The following NRP2 variants were observed in gnomAD, a reference collection of about 807,000 sequenced individuals.
The protein encoded by NRP2 is neuropilin 2.
Under a neutral mutation model 110.4 loss-of-function variants are expected in NRP2, and 52 were observed. That is an observed-to-expected ratio of 0.47 (90% CI 0.38 to 0.59). The LOEUF (loss-of-function observed/expected upper bound fraction) is 0.59. Ranked by LOEUF, NRP2 falls within the 20% of genes least tolerant of loss-of-function variation. NRP2 has a pLI of 0.00. For missense variants in NRP2, 1,049 were observed against 1,203.0 expected, an observed-to-expected ratio of 0.87 and a Z score of 1.89; for synonymous variants, 508 against 468.9, an observed-to-expected ratio of 1.08 and a Z score of -1.08.
intron 15 of NRP2, chr2:205,776,156 A>ATG: frequency 7.9e-7 from 1 of 1,271,144 alleles, no homozygotes; most frequent in Non-Finnish European, 1.1e-6. Context: ...GTCCCAAAGC[A>ATG]TGTGTGTGTT....
intron 1 of NRP2, among the ~76,000 whole-genome samples, 173 bp downstream of exon 1, chr2:205,683,536 A>G (rs1010179843): frequency 5.5e-5 from 8 of 146,492 alleles, no homozygotes; most frequent in Non-Finnish European, 1.2e-4. Flanking sequence ...CTAAAACCCA[A>G]CTTTCCTCTC....
intron 12 of NRP2, chr2:205,760,961 T>A (rs2057811071): frequency 6.6e-6 from 1 of 152,202 alleles, no homozygotes; most frequent in Non-Finnish European, 1.5e-5. Context: ...TGGTTTCCTT[T>A]ATATATGAGG....
At chr2:205,769,698 T>G (rs949080613) in intron 15 of NRP2, among the ~76,000 whole-genome samples, 2 of 152,208 alleles carry the variant, frequency 1.3e-5, no homozygotes, top group African/African-American at 4.8e-5. Context: ...ATGAGTCACA[T>G]TTTAAACAAT....
intron 8 of NRP2, among the ~76,000 whole-genome samples, chr2:205,742,460 C>A (rs143206070): frequency 2.0e-5 from 3 of 152,274 alleles, no homozygotes; most frequent in Admixed American, 6.5e-5. Flanking sequence ...CTGAGGGAAA[C>A]CAATTTAGTG....
At chr2:205,709,298 C>T (rs901528216) in intron 2 of NRP2, among the ~76,000 whole-genome samples, 4 of 152,208 alleles carry the variant, frequency 2.6e-5, no homozygotes, top group Admixed American at 6.5e-5. Flanking sequence ...TCCTGTCTGG[C>T]TCCCAAGGTG....
At chr2:205,784,972 T>A (rs2058219995) in intron 15 of NRP2, among the ~76,000 whole-genome samples, 1 of 152,162 alleles carries the variant, frequency 6.6e-6, no homozygotes, top group Non-Finnish European at 1.5e-5. Context: ...TTGGGGGAAA[T>A]CATCTCTTGA....
Position 205,734,399 on chromosome 2 carries a change from G to GCCC in NRP2, c.1147-6113_1147-6111dup, listed in dbSNP as rs201261642. Among the ~76,000 whole-genome samples, 554 of 90,464 alleles carry GCCC rather than the reference G, an allele frequency of 6.1e-3. 2 individuals carry two copies. The highest frequency in any genetic ancestry group is 0.026 in the Middle Eastern group (4 of 156). The allele number at this position is 90,464 out of a possible 152,430, so 59.3% of individuals were successfully genotyped here. A position where few individuals can be genotyped will look rare whatever the true frequency, so the allele number is the denominator to read the frequency against. The stretch of plus-strand genomic sequence containing the variant: ...CATTGCCTTCATATCATTTCCCACC[G>GCCC]CCCCCCCCCACCCCGCATCGCAACA... On this transcript the variant is annotated intron_variant, in intron 7 of 16. Coordinates refer to ENST00000357785, the MANE Select transcript of NRP2 (RefSeq NM_003872.3).
chr2:205,796,092 G>C lies in NRP2; in HGVS notation c.*1034G>C, dbSNP rs1468249636. 6.6e-6 allele frequency: 1 copy of C among 152,210 alleles called. No individual in the cohort carries two copies. The highest frequency in any genetic ancestry group is 2.4e-5 in the African/African-American group (1 of 41,440). 9.4% of individuals were successfully genotyped at this position (152,210 alleles called of 1,614,324 possible). A position where few individuals can be genotyped will look rare whatever the true frequency, so the allele number is the denominator to read the frequency against. On this transcript the variant is annotated 3_prime_UTR_variant, in exon 17 of 17. Coordinates refer to ENST00000357785, the MANE Select transcript of NRP2 (RefSeq NM_003872.3). ...ATTGGTATGTTCTCCCCATCAGCGA[G>C]TTATTGTAACTGGTCACCACTGGAC... is the stretch of plus-strand genomic sequence containing the variant.
chr2:205,776,650 C>T, intron 15 of NRP2: 1 of 1,571,384 alleles, frequency 6.4e-7, no homozygotes, highest in Non-Finnish European at 8.6e-7. Flanking sequence ...TTCCCGGATC[C>T]CCAACCCTGA....
chr2:205,775,294 A>G (rs2058081032), intron 15 of NRP2, among the ~76,000 whole-genome samples: 1 of 152,180 alleles, frequency 6.6e-6, no homozygotes, highest in Admixed American at 6.5e-5. Context: ...GTGGGACTCC[A>G]GCCAGTCTTT....
At chr2:205,742,420 T>A (rs1490102462) in intron 8 of NRP2, among the ~76,000 whole-genome samples, 2 of 152,208 alleles carry the variant, frequency 1.3e-5, no homozygotes, top group Admixed American at 1.3e-4. Flanking sequence ...TAAACTAGAA[T>A]GTGCACATGA....
rs776126431 is a variant in NRP2 at position 205,765,465 on chromosome 2, G to A, written c.2308-9G>A. The A allele has an allele frequency of 2.5e-6, 4 of 1,612,902 alleles. No homozygotes were observed. Among genetic ancestry groups the A allele is most frequent in the South Asian group, 1.1e-5 (1 of 91,040 alleles). ...AGTTAACCATGGCTCTTATTCTTCCGGCTTCTAGATTGTGTTCGAGGGAGT... is the reference window on the plus strand; with the variant it reads ...AGTTAACCATGGCTCTTATTCTTCCAGCTTCTAGATTGTGTTCGAGGGAGT... On this transcript the variant is annotated splice_polypyrimidine_tract_variant and intron_variant, in intron 13 of 16. Transcript: ENST00000357785.
chr2:205,738,606 G>T (rs527767413), intron 7 of NRP2, among the ~76,000 whole-genome samples: 1 of 152,114 alleles, frequency 6.6e-6, no homozygotes, highest in South Asian at 2.1e-4. Context: ...CCTTTGCTTG[G>T]CTTTTCTCCT....
At chr2:205,740,779 C>A in intron 8 of NRP2, 116 bp downstream of exon 8, 1 of 1,149,856 alleles carries the variant, frequency 8.7e-7, no homozygotes, top group Non-Finnish European at 1.3e-6. Flanking sequence ...AAGACTGGCT[C>A]AAGGACTCAA....
chr2:205,728,281 A>G (rs1411885426), intron 7 of NRP2, among the ~76,000 whole-genome samples: 1 of 152,188 alleles, frequency 6.6e-6, no homozygotes, highest in Non-Finnish European at 1.5e-5. Context: ...GCAGAGAGAG[A>G]GAGCTTGCAG....
chr2:205,756,045 C>G lies in NRP2; in HGVS notation c.2044+3070C>G, dbSNP rs117359975. Among the ~76,000 whole-genome samples, 1,272 of 151,750 alleles carry G rather than the reference C, an allele frequency of 8.4e-3. 44 individuals are homozygous for G. Among genetic ancestry groups the G allele is most frequent in the East Asian group, 0.074 (384 of 5,160 alleles). On this transcript the variant is annotated intron_variant, in intron 12 of 16. Transcript: ENST00000357785. ...TCCTTTCCTTTTCCTTTTAAGTAAG[C>G]AATTAGTTCTGTTCTTTTTGGCCAG...
intron 15 of NRP2, among the ~76,000 whole-genome samples, chr2:205,786,311 TG>T (rs2058235523): frequency 6.6e-6 from 1 of 152,202 alleles, no homozygotes; most frequent in African/African-American, 2.4e-5. Context: ...TATTTCCTGC[TG>T]GGATTAAAAG....
Position 205,766,784 on chromosome 2 carries a change from A to G in NRP2, c.2406A>G (p.Glu802=), listed in dbSNP as rs762572650. ...CAATTTTTTGTTTGTTTTTTTCAGAACCCATCTCGGCTTTTGCAGGTGAGA... is the reference window on the plus strand; with the variant it reads ...CAATTTTTTGTTTGTTTTTTTCAGAGCCCATCTCGGCTTTTGCAGGTGAGA... The part of the protein sequence containing the change: ...STDVPLENCM[E]PISAFAVDIP... The change falls in exon 15 of 17, where the codon GAA becomes GAG. Residue 802 remains glutamate, a splice_region_variant and synonymous_variant. Transcript: ENST00000357785. 6.2e-7 allele frequency: 1 copy of G among 1,613,092 alleles called. No homozygotes were observed. The highest frequency in any genetic ancestry group is 8.5e-7 in the Non-Finnish European group (1 of 1,179,852).
rs371178549 is a variant in NRP2 at position 205,697,567 on chromosome 2, A to C, written c.97A>C (p.Asn33His). ...QPDPPCGGRL[N>H]SKDAGYITSP... ...AGACCCACCGTGCGGAGGTCGTTTG[A>C]ATTCCAAAGATGCTGGCTATATCAC... Residue 33 changes from asparagine (N) to histidine (H), a missense_variant, in exon 2 of 17, where the codon AAT (asparagine) becomes CAT (histidine). By Grantham distance (68) the Asn-to-His change is moderately conservative. Coordinates refer to ENST00000357785, the MANE Select transcript of NRP2 (RefSeq NM_003872.3). 3.7e-6 allele frequency: 6 copies of C among 1,613,868 alleles called. No individual in the cohort carries two copies. The highest frequency in any genetic ancestry group is 5.1e-6 in the Non-Finnish European group (6 of 1,180,016).
Sources: allele counts gnomAD v4.1 joint callset (sites outside exome capture counted in the v4.1 genomes callset), GRCh38; gene constraint gnomAD v4.1.1; transcripts MANE v1.5; gene names NCBI Gene and HGNC (gene_info 2026-07-23, HGNC 2026-07-21).